The following LEKR1 variants were observed in gnomAD, a reference collection of about 807,000 sequenced individuals.
LEKR1 encodes leucine, glutamate and lysine rich 1, also known as protein LEKR1.
A neutral mutation model predicts 72.4 loss-of-function variants in LEKR1; 59 were observed. The observed-to-expected ratio is 0.82, with a 90% CI of 0.66 to 1.01. LEKR1 has a LOEUF of 1.01. Ranked by LOEUF, LEKR1 falls within the 50% of genes least tolerant of loss-of-function variation. The probability of loss-of-function intolerance (pLI) is 0.00; values close to 1 mark genes in which losing one functional copy is unlikely to be tolerated. For synonymous variants in LEKR1, 257 were observed against 263.2 expected, an observed-to-expected ratio of 0.98 and a Z score of 0.23; for missense variants, 728 against 759.2, an observed-to-expected ratio of 0.96 and a Z score of 0.48.
At chr3:157,002,932 G>A (rs1732124616) in intron 9 of LEKR1, among the ~76,000 whole-genome samples, 1 of 152,076 alleles carries the variant, frequency 6.6e-6, no homozygotes, top group Admixed American at 6.6e-5. Flanking sequence ...GTCCATCAGA[G>A]GAATGCATTT....
At chr3:157,004,475 T>C (rs1276164921) in intron 9 of LEKR1, among the ~76,000 whole-genome samples, 4 of 152,158 alleles carry the variant, frequency 2.6e-5, no homozygotes, top group Non-Finnish European at 5.9e-5. Context: ...ATTAACATAA[T>C]TGACATTTAT....
chr3:156,975,057 A>C (rs1000657168), intron 6 of LEKR1, among the ~76,000 whole-genome samples: 1 of 152,184 alleles, frequency 6.6e-6, no homozygotes, highest in South Asian at 2.1e-4. Flanking sequence ...CCTTCTTTAC[A>C]TACATTAAGT....
intron 3 of LEKR1, among the ~76,000 whole-genome samples, chr3:156,863,274 T>C (rs1716967513): frequency 6.6e-6 from 1 of 151,970 alleles, no homozygotes; most frequent in Admixed American, 6.6e-5. Context: ...TAATAGGCAA[T>C]AGGTGGCCAC....
intron 3 of LEKR1, among the ~76,000 whole-genome samples, chr3:156,899,475 T>C (rs1426041315): frequency 8.5e-5 from 7 of 82,724 alleles, no homozygotes; most frequent in African/African-American, 3.1e-4. Flanking sequence ...CATGTATATA[T>C]ACATACATAC....
chr3:156,940,268 G>T (rs1431652937), intron 5 of LEKR1, among the ~76,000 whole-genome samples: 1 of 152,154 alleles, frequency 6.6e-6, no homozygotes, highest in Non-Finnish European at 1.5e-5. Flanking sequence ...TCACATGTAT[G>T]CATGTGTTCA....
At chr3:156,950,325 T>G (rs1053836648) in intron 6 of LEKR1, among the ~76,000 whole-genome samples, 2 of 151,660 alleles carry the variant, frequency 1.3e-5, no homozygotes, top group African/African-American at 4.8e-5. Flanking sequence ...TTCTGGCTCT[T>G]TTTTGATTCC....
chr3:156,982,862 GATAGA>G (rs1730337835), intron 7 of LEKR1, among the ~76,000 whole-genome samples: 1 of 107,772 alleles, frequency 9.3e-6, no homozygotes, highest in Admixed American at 8.7e-5. Flanking sequence ...TGTGTAGATA[GATAGA>G]TAGATAGATA....
rs113901677 is a variant in LEKR1 at position 157,017,105 on chromosome 3, G to A, written c.1203+5599G>A. On this transcript the variant is annotated intron_variant, in intron 10 of 12. Transcript: ENST00000356539. ...AACTTTTTCTATAAAGGACCAGTTA[G>A]TTAATATTTTTGGTTTTGTATGACA... Among the ~76,000 whole-genome samples, 226 of 152,258 alleles carry A rather than the reference G, an allele frequency of 1.5e-3. 1 individual carries two copies. Among genetic ancestry groups the A allele is most frequent in the African/African-American group, 5.2e-3 (218 of 41,566 alleles).
intron 6 of LEKR1, among the ~76,000 whole-genome samples, chr3:156,953,330 ATAT>A (rs1470350835): frequency 6.6e-6 from 1 of 151,438 alleles, no homozygotes; most frequent in Non-Finnish European, 1.5e-5. Flanking sequence ...GAATATTGAC[ATAT>A]TATTATTTTT....
In LEKR1 at chr3:156,974,331, A is replaced by G. The variant is rs147464695; in HGVS notation, c.746-4863A>G. On this transcript the variant is annotated intron_variant, in intron 6 of 12. Coordinates refer to ENST00000356539, the MANE Select transcript of LEKR1 (RefSeq NM_001004316.3). ...AATTTTTAAAACACCTTCAAAACGA[A>G]TAATTTTTTCACATGTTAAGATGCA... is the stretch of plus-strand genomic sequence containing the variant. 4.5e-3 allele frequency among the ~76,000 whole-genome samples: 686 copies of G among 152,294 alleles called. 6 individuals are homozygous for G. Among genetic ancestry groups the G allele is most frequent in the African/African-American group, 0.016 (659 of 41,568 alleles).
At chr3:156,861,753 T>C (rs1716784869) in intron 3 of LEKR1, among the ~76,000 whole-genome samples, 1 of 152,136 alleles carries the variant, frequency 6.6e-6, no homozygotes, top group Admixed American at 6.6e-5. Flanking sequence ...TGTGTAAGTA[T>C]GAATTTATTA....
intron 4 of LEKR1, among the ~76,000 whole-genome samples, chr3:156,925,934 T>C (rs1262714995): frequency 6.6e-6 from 1 of 152,054 alleles, no homozygotes; most frequent in Non-Finnish European, 1.5e-5. Flanking sequence ...AATTTGGATG[T>C]ATATAATTTT....
rs550211700 is a variant in LEKR1 at position 156,973,836 on chromosome 3, C to A, written c.746-5358C>A. 3.9e-5 allele frequency among the ~76,000 whole-genome samples: 6 copies of A among 152,242 alleles called. No individual in the cohort carries two copies. In the South Asian group the frequency reaches 1.2e-3, roughly 32 times the overall value. On this transcript the variant is annotated intron_variant, in intron 6 of 12. Transcript: ENST00000356539. ...ACCAGAGACACTACTTTGTATTCTT[C>A]ATATTGGCAAAAATTAGAAAAATAG...
chr3:156,859,147 C>A (rs181696316), intron 3 of LEKR1, among the ~76,000 whole-genome samples: 6 of 152,240 alleles, frequency 3.9e-5, no homozygotes, highest in Admixed American at 3.9e-4. Flanking sequence ...TTAAATTACA[C>A]TGGTTAATTG....
At position 157,016,808 on chromosome 3, in the gene LEKR1, G is replaced by T. The variant is rs187247626; in HGVS notation, c.1203+5302G>T. On this transcript the variant is annotated intron_variant, in intron 10 of 12. Coordinates refer to ENST00000356539, the MANE Select transcript of LEKR1 (RefSeq NM_001004316.3). ...TAGAAGTGGAAATATATTACTGTGA[G>T]ATTCTTATACAATACATGTAGTGAT... Among the ~76,000 whole-genome samples the T allele has an allele frequency of 1.6e-4, 24 of 152,230 alleles. No individual in the cohort carries two copies. The South Asian group carries it at 3.9e-3, about 25-fold the overall frequency.
At chr3:157,026,044 C>A (rs983903720) in intron 11 of LEKR1, among the ~76,000 whole-genome samples, 1 of 151,116 alleles carries the variant, frequency 6.6e-6, no homozygotes. Flanking sequence ...AGTGAGACTC[C>A]TTCTCTAAAA....
intron 6 of LEKR1, among the ~76,000 whole-genome samples, chr3:156,972,335 G>C (rs1332943475): frequency 2.6e-5 from 4 of 151,370 alleles, no homozygotes; most frequent in Non-Finnish European, 5.9e-5. Context: ...ACACACGGGG[G>C]CCTGTTATGG....
chr3:156,921,596 T>C (rs1376272380), intron 4 of LEKR1, among the ~76,000 whole-genome samples: 1 of 152,156 alleles, frequency 6.6e-6, no homozygotes, highest in African/African-American at 2.4e-5. Context: ...CCTTGATCCT[T>C]TCCTAGAAAT....
intron 10 of LEKR1, among the ~76,000 whole-genome samples, chr3:157,018,307 A>G (rs549965413): frequency 4.6e-5 from 7 of 152,328 alleles, no homozygotes; most frequent in African/African-American, 1.7e-4. Context: ...GATATATTGA[A>G]CGATATTGTT....
Sources: allele counts gnomAD v4.1 joint callset (sites outside exome capture counted in the v4.1 genomes callset), GRCh38; gene constraint gnomAD v4.1.1; transcripts MANE v1.5; gene names NCBI Gene and HGNC (gene_info 2026-07-23, HGNC 2026-07-21).